USP32: variants seen among roughly 807,000 people sequenced by gnomAD.
The protein encoded by USP32 is ubiquitin specific peptidase 32, also known as ubiquitin carboxyl-terminal hydrolase 32.
USP32 carries 59 observed loss-of-function variants against 204.8 expected under a neutral mutation model. The ratio of observed to expected loss-of-function variants is 0.29; its 90% CI spans 0.23 to 0.36. The LOEUF (loss-of-function observed/expected upper bound fraction) is 0.36, where lower values mean the gene tolerates loss of function less well. Among genes scored for constraint, USP32 ranks in the 10% least tolerant of loss-of-function variants. The pLI, the probability that USP32 is intolerant of heterozygous loss-of-function variation, is 1.00. For missense variants in USP32, 1,160 were observed against 1,946.4 expected (o/e 0.60, Z 7.60); for synonymous variants, 517 against 678.4 (o/e 0.76, Z 3.70).
At chr17:60,232,661 C>T (rs745338143) in intron 12 of USP32, among the ~76,000 whole-genome samples, 4 of 150,696 alleles carry the variant, frequency 2.7e-5, no homozygotes, top group Admixed American at 6.7e-5. Context: ...ATTCTTGTGT[C>T]TCAGCCTCCT....
chr17:60,288,726 G>T (rs747701977), intron 4 of USP32, 44 bp from the exon 5 acceptor site: 1 of 1,549,864 alleles, frequency 6.5e-7, no homozygotes, highest in Non-Finnish European at 8.7e-7. Context: ...AAATTTTAAG[G>T]TATCTTACTT....
intron 1 of USP32, among the ~76,000 whole-genome samples, chr17:60,370,048 AT>A (rs960434333): frequency 2.2e-3 from 316 of 145,606 alleles, no homozygotes; most frequent in Middle Eastern, 0.011. Flanking sequence ...CTACAAAATA[AT>A]TTTTTTTTTT....
At chr17:60,315,357 G>A (rs752687260) in intron 2 of USP32, among the ~76,000 whole-genome samples, 1 of 152,062 alleles carries the variant, frequency 6.6e-6, no homozygotes, top group Non-Finnish European at 1.5e-5. Flanking sequence ...CCGAGATCAC[G>A]CCACTGCACT....
At chr17:60,255,767 G>A (rs1327059456) in intron 9 of USP32, among the ~76,000 whole-genome samples, 1 of 152,084 alleles carries the variant, frequency 6.6e-6, no homozygotes, top group East Asian at 1.9e-4. Flanking sequence ...TATATGGTTG[G>A]TAAAATTCAC....
chr17:60,387,004 C>A (rs781462418), intron 1 of USP32, among the ~76,000 whole-genome samples: 1 of 152,196 alleles, frequency 6.6e-6, no homozygotes. Context: ...AAGGCTTAAC[C>A]GAAACCAACA....
chr17:60,414,570 A>G (rs1209070244), intron 1 of USP32, among the ~76,000 whole-genome samples: 6 of 151,166 alleles, frequency 4.0e-5, no homozygotes, highest in South Asian at 2.1e-4. Flanking sequence ...CAGAGATTAC[A>G]GGCGCCCACC....
chr17:60,319,994 C>G (rs1002523886), intron 2 of USP32, among the ~76,000 whole-genome samples: 1 of 152,068 alleles, frequency 6.6e-6, no homozygotes, highest in African/African-American at 2.4e-5. Flanking sequence ...CCAACAGACA[C>G]CAAGGATGAC....
At chr17:60,362,877 G>A (rs2089237677) in intron 1 of USP32, among the ~76,000 whole-genome samples, 1 of 151,266 alleles carries the variant, frequency 6.6e-6, no homozygotes, top group African/African-American at 2.4e-5. Flanking sequence ...TCAAAAGGCA[G>A]CTAATAGTCC....
At chr17:60,386,258 T>C (rs1466534825) in intron 1 of USP32, among the ~76,000 whole-genome samples, 1 of 151,724 alleles carries the variant, frequency 6.6e-6, no homozygotes, top group East Asian at 1.9e-4. Flanking sequence ...ATAAACAAGC[T>C]CTGAAAGGAG....
At chr17:60,261,298 ATTG>A (rs1567810461) in intron 9 of USP32, among the ~76,000 whole-genome samples, 1 of 152,202 alleles carries the variant, frequency 6.6e-6, no homozygotes, top group African/African-American at 2.4e-5. Flanking sequence ...TATTAATTTT[ATTG>A]TTTGAAAATC....
At chr17:60,211,568 C>T (rs932018646) in intron 19 of USP32, 54 bp from the exon 20 acceptor site, 33 of 1,553,880 alleles carry the variant, frequency 2.1e-5, no homozygotes, top group African/African-American at 2.8e-5. Context: ...TGCCATGGCA[C>T]AAACAGTTAC....
chr17:60,192,420 A>G (rs1398918056), intron 28 of USP32, among the ~76,000 whole-genome samples: 1 of 152,198 alleles, frequency 6.6e-6, no homozygotes, highest in Non-Finnish European at 1.5e-5. Context: ...AAACTTATCT[A>G]TTGACCTCAA....
rs28711317 is a variant in USP32 at position 60,207,974 on chromosome 17, T to G, written c.2925+85A>C. ...TGTTTTAGTATCTCTCTTGGTCACA[T>G]AACCTAACAATTGATCATAATAATT... On this transcript the variant is annotated intron_variant, in intron 24 of 33. Coordinates refer to ENST00000300896, the MANE Select transcript of USP32 (RefSeq NM_032582.4). 576 of 1,462,600 alleles carry G rather than the reference T, an allele frequency of 3.9e-4. 1 individual carries two copies. Among genetic ancestry groups the G allele is most frequent in the African/African-American group, 3.5e-3 (249 of 70,558 alleles). The allele number at this position is 1,462,600 out of a possible 1,614,324, so 90.6% of individuals were successfully genotyped here. A position where few individuals can be genotyped will look rare whatever the true frequency, so the allele number is the denominator to read the frequency against.
At chr17:60,259,346 G>C (rs919633692) in intron 9 of USP32, among the ~76,000 whole-genome samples, 1 of 151,946 alleles carries the variant, frequency 6.6e-6, no homozygotes, top group East Asian at 1.9e-4. Context: ...CTTTTTGTTT[G>C]TATTGTAAAC....
At chr17:60,356,269 C>T (rs1003225907) in intron 1 of USP32, among the ~76,000 whole-genome samples, 1 of 152,068 alleles carries the variant, frequency 6.6e-6, no homozygotes, top group Non-Finnish European at 1.5e-5. Context: ...AACCAAAAAA[C>T]ATGAAAGGAA....
intron 9 of USP32, among the ~76,000 whole-genome samples, chr17:60,264,556 T>C (rs765339438): frequency 3.3e-5 from 5 of 149,466 alleles, no homozygotes; most frequent in Non-Finnish European, 7.4e-5. Context: ...AAGAAATTTC[T>C]TGAAAGAATA....
chr17:60,244,056 G>A (rs1241821300), intron 11 of USP32, among the ~76,000 whole-genome samples: 1 of 83,906 alleles, frequency 1.2e-5, no homozygotes, highest in African/African-American at 6.9e-5. Context: ...TTTTTTTTGA[G>A]ATGGAGTCTA....
chr17:60,207,324 G>A (rs1010789634), intron 24 of USP32, among the ~76,000 whole-genome samples, 192 bp from the exon 25 acceptor site: 5 of 152,006 alleles, frequency 3.3e-5, no homozygotes, highest in East Asian at 3.8e-4. Context: ...CTCAATTTTC[G>A]AACTATTATC....
At chr17:60,251,274 T>TA (rs886940279) in intron 11 of USP32, among the ~76,000 whole-genome samples, 13 of 149,354 alleles carry the variant, frequency 8.7e-5, no homozygotes, top group East Asian at 2.0e-4. Context: ...TGCCTTCACT[T>TA]AAAAAAAAAA....
Sources: gnomAD v4.1 joint callset for allele counts (sites outside exome capture counted in the v4.1 genomes callset) on GRCh38, gnomAD v4.1.1 for gene constraint, MANE v1.5 for transcripts, NCBI Gene and HGNC (gene_info 2026-07-23, HGNC 2026-07-21) for gene names.